Variants in CREB5 observed in about 807,000 individuals in gnomAD.
CREB5 encodes cAMP responsive element binding protein 5, also known as cyclic AMP-responsive element-binding protein 5.
In CREB5, 19 loss-of-function variants were observed where a neutral mutation model predicts 57.1. That is an observed-to-expected ratio of 0.33 (90% CI 0.23 to 0.49). CREB5 has a LOEUF of 0.49. CREB5 is among the 20% of genes least tolerant of loss of function. The probability of loss-of-function intolerance (pLI) is 0.99; values close to 1 mark genes in which losing one functional copy is unlikely to be tolerated. For missense variants in CREB5, 579 were observed against 671.6 expected (o/e 0.86, Z 1.52); for synonymous variants, 238 against 238.3 (o/e 1.00, Z 0.01).
intron 8 of CREB5, among the ~76,000 whole-genome samples, chr7:28,805,026 A>G (rs1401308136): frequency 2.0e-5 from 3 of 152,214 alleles, no homozygotes; most frequent in South Asian, 2.1e-4. Flanking sequence ...CTAAAGAGTA[A>G]CAATTCAAGG....
chr7:28,598,120 G>A (rs1796760929), intron 5 of CREB5, among the ~76,000 whole-genome samples: 1 of 152,104 alleles, frequency 6.6e-6, no homozygotes, highest in African/African-American at 2.4e-5. Context: ...ACATGTTGTG[G>A]GAGGGACCCA....
At chr7:28,625,053 T>C (rs1490889079) in intron 5 of CREB5, among the ~76,000 whole-genome samples, 1 of 151,970 alleles carries the variant, frequency 6.6e-6, no homozygotes, top group Non-Finnish European at 1.5e-5. Context: ...GATAAAAGAT[T>C]TCATAAGCAG....
intron 5 of CREB5, among the ~76,000 whole-genome samples, chr7:28,673,686 T>G (rs12700897): frequency 9.8e-5 from 8 of 81,612 alleles, no homozygotes; most frequent in Middle Eastern, 7.4e-3. Context: ...TTTTTTTTTT[T>G]GGAGACATTC....
intron 4 of CREB5, among the ~76,000 whole-genome samples, chr7:28,558,180 T>G (rs1157091250): frequency 6.6e-6 from 1 of 152,164 alleles, no homozygotes; most frequent in African/African-American, 2.4e-5. Flanking sequence ...TCTCACTGAG[T>G]TTCTCTGTTG....
intron 6 of CREB5, 23 bp from the exon 7 acceptor site, chr7:28,724,199 T>G (rs900067971): frequency 6.2e-7 from 1 of 1,603,660 alleles, no homozygotes; most frequent in Middle Eastern, 1.7e-4. Flanking sequence ...AGACTTCTAA[T>G]TCTTTTCTTT....
At chr7:28,716,237 A>C (rs575768219) in intron 5 of CREB5, among the ~76,000 whole-genome samples, 2 of 152,332 alleles carry the variant, frequency 1.3e-5, no homozygotes, top group East Asian at 3.9e-4. Context: ...CCTCAAAAAA[A>C]TCCTAATGAA....
At chr7:28,672,489 A>G (rs1411686925) in intron 5 of CREB5, among the ~76,000 whole-genome samples, 3 of 152,204 alleles carry the variant, frequency 2.0e-5, no homozygotes, top group Non-Finnish European at 4.4e-5. Context: ...ATTTGGTTAC[A>G]AAAACATCAT....
At chr7:28,409,617 C>T (rs1787682535), upstream of CREB5, 1 of 250,864 alleles carries the variant, frequency 4.0e-6, no homozygotes, top group African/African-American at 2.4e-5. This position sits in a 1 kb window ranked among gnomAD's most constrained non-coding sequence, Gnocchi z 4.4. Flanking sequence ...GCATTTTTTT[C>T]TGGAGGGTGA....
intron 1 of CREB5, among the ~76,000 whole-genome samples, chr7:28,464,523 G>A (rs1225731453): frequency 6.6e-6 from 1 of 151,536 alleles, no homozygotes; most frequent in African/African-American, 2.4e-5. Flanking sequence ...GTGTGTGTGT[G>A]TGTGTGTGTG....
intron 1 of CREB5, among the ~76,000 whole-genome samples, chr7:28,395,510 G>A (rs1787316922): frequency 6.6e-6 from 1 of 152,140 alleles, no homozygotes; most frequent in South Asian, 2.1e-4. Context: ...GACAGGGTTG[G>A]TGTGAAACCA....
At chr7:28,709,593 A>G (rs960450177) in intron 5 of CREB5, among the ~76,000 whole-genome samples, 1 of 152,178 alleles carries the variant, frequency 6.6e-6, no homozygotes, top group African/African-American at 2.4e-5. Flanking sequence ...TGTATATGCT[A>G]TAAAACAAGG....
chr7:28,558,037 G>A (rs1274184011), intron 4 of CREB5, among the ~76,000 whole-genome samples: 1 of 152,096 alleles, frequency 6.6e-6, no homozygotes, highest in East Asian at 1.9e-4. Flanking sequence ...GTTTCTTTGG[G>A]CACTGTCATG....
At chr7:28,560,929 CGTGTGT>C (rs1425241012) in intron 4 of CREB5, among the ~76,000 whole-genome samples, 4 of 30,420 alleles carry the variant, frequency 1.3e-4, no homozygotes, top group East Asian at 1.2e-3. Context: ...TGTGCGCGTG[CGTGTGT>C]GCGTGCGTGT....
At chr7:28,498,176 C>T (rs537060395) in intron 3 of CREB5, among the ~76,000 whole-genome samples, 1 of 151,908 alleles carries the variant, frequency 6.6e-6, no homozygotes, top group Non-Finnish European at 1.5e-5. Flanking sequence ...ATTTTGTGGC[C>T]TATCATGAAG....
intron 5 of CREB5, among the ~76,000 whole-genome samples, chr7:28,571,582 G>C (rs1307800951): frequency 6.6e-6 from 1 of 152,184 alleles, no homozygotes; most frequent in Non-Finnish European, 1.5e-5. Context: ...CATGTCATGT[G>C]ATGGAAAGAG....
At chr7:28,729,946 G>A (rs1403473307) in intron 7 of CREB5, among the ~76,000 whole-genome samples, 1 of 152,178 alleles carries the variant, frequency 6.6e-6, no homozygotes, top group African/African-American at 2.4e-5. Context: ...CCACCATGCA[G>A]ATGAATAGGA....
intron 1 of CREB5, among the ~76,000 whole-genome samples, chr7:28,343,001 C>A (rs1407824757): frequency 6.6e-6 from 1 of 151,784 alleles, no homozygotes; most frequent in Non-Finnish European, 1.5e-5. Context: ...AGTGCAGTGG[C>A]ACAATCTGGG....
chr7:28,419,284 A>G (rs1788141408), intron 1 of CREB5, among the ~76,000 whole-genome samples: 1 of 152,192 alleles, frequency 6.6e-6, no homozygotes, highest in Non-Finnish European at 1.5e-5. Context: ...CTCTAGCCCT[A>G]CCTCCTAAAT....
At chr7:28,402,753 C>A (rs1396482432) in intron 1 of CREB5, among the ~76,000 whole-genome samples, 1 of 152,210 alleles carries the variant, frequency 6.6e-6, no homozygotes, top group Non-Finnish European at 1.5e-5. Context: ...CCATTCAGGA[C>A]ATAGGCATGG....
Sources: gnomAD v4.1 joint callset for allele counts (sites outside exome capture counted in the v4.1 genomes callset) on GRCh38, gnomAD v4.1.1 for gene constraint, Gnocchi (gnomAD v3.1) non-coding constraint, MANE v1.5 for transcripts, NCBI Gene and HGNC (gene_info 2026-07-23, HGNC 2026-07-21) for gene names.